The following FSTL4 variants were observed in gnomAD, a reference collection of about 807,000 sequenced individuals.
FSTL4 encodes follistatin-related protein 4.
In FSTL4, 28 loss-of-function variants were observed where a neutral mutation model predicts 78.2. The ratio of observed to expected loss-of-function variants is 0.36; its 90% CI spans 0.27 to 0.49. The LOEUF is 0.49. FSTL4 is among the 20% of genes least tolerant of loss of function. FSTL4 has a pLI of 0.98. For synonymous variants in FSTL4, 422 were observed against 440.5 expected, an observed-to-expected ratio of 0.96 and a Z score of 0.53; for missense variants, 922 against 1,084.9, an observed-to-expected ratio of 0.85 and a Z score of 2.11.
intron 3 of FSTL4, among the ~76,000 whole-genome samples, chr5:133,481,844 C>T (rs1758035453): frequency 6.6e-6 from 1 of 152,124 alleles, no homozygotes; most frequent in African/African-American, 2.4e-5. Flanking sequence ...CAAGTGCAGT[C>T]ATAATAAAAA....
the FSTL4 span, among the ~76,000 whole-genome samples, chr5:133,668,536 T>C: frequency 6.6e-6 from 1 of 152,204 alleles, no homozygotes; most frequent in Non-Finnish European, 1.5e-5. Context: ...GCTCAAGAGA[T>C]ACTCTTGGGG....
At chr5:133,834,231 GT>G in the FSTL4 span, among the ~76,000 whole-genome samples, 1 of 152,154 alleles carries the variant, frequency 6.6e-6, no homozygotes, top group African/African-American at 2.4e-5. Flanking sequence ...AGCTGGCATG[GT>G]TTTTCTAGAG....
At chr5:133,811,573 C>T in the FSTL4 span, among the ~76,000 whole-genome samples, 1 of 152,202 alleles carries the variant, frequency 6.6e-6, no homozygotes, top group African/African-American at 2.4e-5. Context: ...CAGCAAAAGG[C>T]CAAAAACTGA....
At chr5:133,242,672 T>C (rs935563910) in intron 7 of FSTL4, among the ~76,000 whole-genome samples, 6 of 152,126 alleles carry the variant, frequency 3.9e-5, no homozygotes, top group African/African-American at 1.2e-4. Flanking sequence ...CCGGCCCCCA[T>C]ATCTTGGAGA....
At chr5:133,672,928 T>C in the FSTL4 span, among the ~76,000 whole-genome samples, 2 of 152,138 alleles carry the variant, frequency 1.3e-5, no homozygotes, top group African/African-American at 2.4e-5. Context: ...CACAGCTTAG[T>C]TTTATACATT....
chr5:133,400,953 CAGG>C lies in FSTL4; in HGVS notation c.191_193del (p.Ser64del). Reference sequence around the variant, plus strand: ...CCCTCGGCTGCAGAACTTCTTCCCGCAGGAGGCCAGCAGCTCGTTGTGGCTGGA... The same window carrying C: ...CCCTCGGCTGCAGAACTTCTTCCCGCAGGCCAGCAGCTCGTTGTGGCTGGA... On this transcript the variant is annotated inframe_deletion, in exon 4 of 16. Coordinates refer to ENST00000265342, the MANE Select transcript of FSTL4 (RefSeq NM_015082.2). The C allele has an allele frequency of 6.2e-7, 1 of 1,613,294 alleles. No individual in the cohort carries two copies. Among genetic ancestry groups the C allele is most frequent in the South Asian group, 1.1e-5 (1 of 91,086 alleles).
chr5:133,249,490 C>T lies in FSTL4; in HGVS notation c.814G>A (p.Val272Ile), dbSNP rs151288928. ...ATTGGTGGCCTCAGGTCTCCATGGACGGCGCAGGTCAGCACTGTGCTCAGC... is the reference window on the plus strand; with the variant it reads ...ATTGGTGGCCTCAGGTCTCCATGGATGGCGCAGGTCAGCACTGTGCTCAGC... Reference protein sequence around the residue: ...VGLSTVLTCAVHGDLRPPIIW... With the variant: ...VGLSTVLTCAIHGDLRPPIIW... The change falls in exon 7 of 16, where the codon GTC (valine) becomes ATC (isoleucine). Residue 272 changes from valine to isoleucine, a missense_variant. Val to Ile is a conservative substitution (Grantham distance 29). Coordinates refer to ENST00000265342, the MANE Select transcript of FSTL4 (RefSeq NM_015082.2). The T allele has an allele frequency of 2.6e-5, 42 of 1,613,380 alleles. No homozygotes were observed. Among genetic ancestry groups the T allele is most frequent in the Admixed American group, 1.3e-4 (8 of 60,016 alleles).
the FSTL4 span, among the ~76,000 whole-genome samples, chr5:133,674,287 T>A: frequency 1.3e-5 from 2 of 152,270 alleles, no homozygotes; most frequent in South Asian, 2.1e-4. Flanking sequence ...TGACAACAAT[T>A]TCCCCCTCTG....
At chr5:133,701,414 AAAAG>A in the FSTL4 span, among the ~76,000 whole-genome samples, 1 of 150,460 alleles carries the variant, frequency 6.6e-6, no homozygotes, top group Non-Finnish European at 1.5e-5. Flanking sequence ...AAAAAAAAAA[AAAAG>A]AAAGAAAGAA....
chr5:133,407,235 T>A (rs10793815), intron 3 of FSTL4, among the ~76,000 whole-genome samples: 111,765 of 152,108 alleles, frequency 0.73, 41,539 homozygotes, highest in African/African-American at 0.86. Flanking sequence ...ACCCACTCCT[T>A]GTCATGCATG....
At chr5:133,305,839 T>C (rs897487256) in intron 6 of FSTL4, among the ~76,000 whole-genome samples, 14 of 152,196 alleles carry the variant, frequency 9.2e-5, no homozygotes, top group Middle Eastern at 3.2e-3. Flanking sequence ...TCTGAAAGGC[T>C]CAGGTTGGTG....
At chr5:133,481,994 C>T (rs1447198423) in intron 3 of FSTL4, among the ~76,000 whole-genome samples, 1 of 152,182 alleles carries the variant, frequency 6.6e-6, no homozygotes, top group Non-Finnish European at 1.5e-5. Context: ...AAGGAAGCTG[C>T]CACCAACATG....
Position 133,236,547 on chromosome 5 carries a change from C to T in FSTL4, c.895-3010G>A, listed in dbSNP as rs761630265. Among the ~76,000 whole-genome samples, 47 of 152,346 alleles carry T rather than the reference C, an allele frequency of 3.1e-4. No homozygotes were observed. In the Middle Eastern group the frequency reaches 0.017, roughly 55 times the overall value. ...GTCTTCTCTCACCACCTCCATCGCT[C>T]CTGCTCTGGCCAGCTGCCACCTTCC... On this transcript the variant is annotated intron_variant, in intron 7 of 15. Transcript: ENST00000265342. The surrounding 1 kb of genome is among the most constrained non-coding windows in gnomAD (Gnocchi z 5.0).
chr5:133,371,507 T>C (rs1442646218), intron 4 of FSTL4, among the ~76,000 whole-genome samples: 1 of 152,146 alleles, frequency 6.6e-6, no homozygotes, highest in Non-Finnish European at 1.5e-5. Context: ...CTGTCTAGGG[T>C]GTGAGAGCCG....
chr5:133,312,859 G>C (rs924713648), intron 5 of FSTL4, 82 bp from the exon 6 acceptor site: 1 of 1,399,470 alleles, frequency 7.1e-7, no homozygotes, highest in Middle Eastern at 1.8e-4. Context: ...CAGGCCAAGA[G>C]GGAATCCAGG....
the FSTL4 span, among the ~76,000 whole-genome samples, chr5:133,727,348 A>G: frequency 1.3e-5 from 2 of 152,212 alleles, no homozygotes; most frequent in Admixed American, 6.5e-5. Flanking sequence ...TTAAAAAAAA[A>G]AAAGTTATCC....
chr5:133,834,173 T>C, the FSTL4 span, among the ~76,000 whole-genome samples: 2 of 152,334 alleles, frequency 1.3e-5, no homozygotes, highest in Non-Finnish European at 2.9e-5. Flanking sequence ...TCATATCCCA[T>C]GTTGGTAAGA....
intron 3 of FSTL4, among the ~76,000 whole-genome samples, chr5:133,545,350 T>C (rs952817179): frequency 6.6e-6 from 1 of 152,134 alleles, no homozygotes; most frequent in Non-Finnish European, 1.5e-5. Flanking sequence ...AGGAAGTGAG[T>C]GAGTCCTTGC....
intron 3 of FSTL4, among the ~76,000 whole-genome samples, chr5:133,474,710 C>T (rs774412393): frequency 2.6e-4 from 39 of 152,288 alleles, no homozygotes; most frequent in South Asian, 8.3e-4. Flanking sequence ...GAGAAAACTC[C>T]GAGCACCAGG....
Sources: allele counts gnomAD v4.1 joint callset (sites outside exome capture counted in the v4.1 genomes callset), GRCh38; gene constraint gnomAD v4.1.1; non-coding constraint Gnocchi (gnomAD v3.1); transcripts MANE v1.5; gene names NCBI Gene and HGNC (gene_info 2026-07-23, HGNC 2026-07-21).